The following ATP6V0A1 variants were observed in gnomAD, a reference collection of about 807,000 sequenced individuals.
ATP6V0A1 encodes ATPase H+ transporting V0 subunit a1, also known as V-type proton ATPase 116 kDa subunit a 1.
In ATP6V0A1, 43 loss-of-function variants were observed where a neutral mutation model predicts 105.4. The ratio of observed to expected loss-of-function variants is 0.41; its 90% CI spans 0.32 to 0.53. ATP6V0A1 has a LOEUF of 0.53. Among genes scored for constraint, ATP6V0A1 ranks in the 20% least tolerant of loss-of-function variants. The pLI, the probability that ATP6V0A1 is intolerant of heterozygous loss-of-function variation, is 0.30. For synonymous variants in ATP6V0A1, 362 were observed against 372.8 expected (o/e 0.97, Z 0.33); for missense variants, 676 against 1,051.1 (o/e 0.64, Z 4.93).
intron 5 of ATP6V0A1, among the ~76,000 whole-genome samples, chr17:42,472,616 C>T (rs1388149533): frequency 6.6e-6 from 1 of 151,838 alleles, no homozygotes; most frequent in African/African-American, 2.4e-5. Context: ...CCCAGCTATT[C>T]ATGAGGCTGA....
At chr17:42,466,128 T>A (rs182079471) in intron 2 of ATP6V0A1, among the ~76,000 whole-genome samples, 2 of 152,138 alleles carry the variant, frequency 1.3e-5, no homozygotes, top group East Asian at 1.9e-4. Flanking sequence ...TTGCCCAAAT[T>A]TTAGGTGGTG....
intron 6 of ATP6V0A1, among the ~76,000 whole-genome samples, 155 bp downstream of exon 6, chr17:42,477,897 G>T (rs1274902138): frequency 6.6e-6 from 1 of 152,146 alleles, no homozygotes; most frequent in Non-Finnish European, 1.5e-5. Flanking sequence ...TGCCTGAGTT[G>T]CTCTGTCAGC....
chr17:42,513,768 C>A, intron 19 of ATP6V0A1, 93 bp from the exon 20 acceptor site: 2 of 1,224,796 alleles, frequency 1.6e-6, no homozygotes, highest in Non-Finnish European at 2.4e-6. Context: ...CCTGCCCTGG[C>A]CCAGGTTCAA....
chr17:42,492,305 G>A (rs1222086569), intron 11 of ATP6V0A1, among the ~76,000 whole-genome samples: 2 of 152,094 alleles, frequency 1.3e-5, no homozygotes, highest in Non-Finnish European at 2.9e-5. Context: ...GGAGGCAAAG[G>A]TTGCAGTGAA....
At chr17:42,498,183 C>T (rs1171042487) in intron 14 of ATP6V0A1, among the ~76,000 whole-genome samples, 3 of 151,890 alleles carry the variant, frequency 2.0e-5, no homozygotes, top group Admixed American at 2.0e-4. Context: ...TTGCAGTCAG[C>T]GAGATCATGA....
Position 42,479,869 on chromosome 17 carries a change from A to G in ATP6V0A1, c.634-798A>G, listed in dbSNP as rs868028536. ...TGGCAACAGAAAGGTTATTTTATCAACAAATCCAGAAATGGGGACCCTGGA... is the reference window on the plus strand; with the variant it reads ...TGGCAACAGAAAGGTTATTTTATCAGCAAATCCAGAAATGGGGACCCTGGA... On this transcript the variant is annotated intron_variant, in intron 7 of 21. Transcript: ENST00000343619. Among the ~76,000 whole-genome samples, 25 of 152,362 alleles carry G rather than the reference A, an allele frequency of 1.6e-4. 1 individual carries two copies. The South Asian group carries it at 3.5e-3, about 21-fold the overall frequency.
At position 42,501,218 on chromosome 17, in the gene ATP6V0A1, G is replaced by T; in HGVS notation, c.1918G>T (p.Val640Leu). The T allele has an allele frequency of 6.2e-7, 1 of 1,613,762 alleles. No homozygotes were observed. Among genetic ancestry groups the T allele is most frequent in the African/African-American group, 1.3e-5 (1 of 75,038 alleles). The part of the protein sequence containing the change: ...SGQKGIQCFL[V>L]VVALLCVPWM... ...GCAGAAAGGAATTCAGTGTTTCCTG[G>T]TAGTGGTTGCACTACTGTGTGTACC... The change falls in exon 17 of 22, where the codon GTA becomes TTA. Residue 640 changes from valine (V) to leucine (L), a missense_variant. This residue lies in a region of ATP6V0A1 where 435 missense variants were observed against 642.2 expected (regional missense o/e 0.68). Coordinates refer to ENST00000343619, the MANE Select transcript of ATP6V0A1 (RefSeq NM_001130021.3).
At chr17:42,468,308 G>C (rs1047794532) in intron 4 of ATP6V0A1, among the ~76,000 whole-genome samples, 26 of 152,246 alleles carry the variant, frequency 1.7e-4, no homozygotes, top group African/African-American at 6.0e-4. Context: ...TATATACATA[G>C]AATGTGTATA....
At position 42,477,665 on chromosome 17, in the gene ATP6V0A1, G is replaced by A. The variant is rs755253230; in HGVS notation, c.429G>A (p.Ala143=). The A allele has an allele frequency of 1.1e-5, 17 of 1,613,458 alleles. No homozygotes were observed. Among genetic ancestry groups the A allele is most frequent in the South Asian group, 2.2e-5 (2 of 91,000 alleles). The change falls in exon 6 of 22, where the codon GCG becomes GCA. Residue 143 remains alanine (A), a synonymous_variant. Transcript: ENST00000343619. The stretch of plus-strand genomic sequence containing the variant: ...CTGAATTGCATCATCAGCAGATGGC[G>A]GATCCAGACTTGTTGGAAGAGTCCT... ...RKTQQFFDEM[A]DPDLLEESSS...
In ATP6V0A1 at chr17:42,521,449, G is replaced by A. The variant is rs141365344; in HGVS notation, c.*329G>A. On this transcript the variant is annotated 3_prime_UTR_variant, in exon 22 of 22. Coordinates refer to ENST00000343619, the MANE Select transcript of ATP6V0A1 (RefSeq NM_001130021.3). The surrounding 1 kb of genome is among the most constrained non-coding windows in gnomAD (Gnocchi z 4.8). ...ATCCCAAAGCCCTTTCATCTTCCCC[G>A]TGCATTGTAGATGGAAGGAGCACCC... 184 of 192,410 alleles carry A rather than the reference G, an allele frequency of 9.6e-4. No individual in the cohort carries two copies. Among genetic ancestry groups the A allele is most frequent in the African/African-American group, 4.0e-3 (170 of 42,968 alleles). 11.9% of individuals were successfully genotyped at this position (192,410 alleles called of 1,614,324 possible).
chr17:42,492,226 G>A (rs1159117086), intron 11 of ATP6V0A1, among the ~76,000 whole-genome samples: 3 of 150,942 alleles, frequency 2.0e-5, no homozygotes, highest in Non-Finnish European at 4.4e-5. Context: ...AAAATTAGCC[G>A]GATTTGGTGG....
At chr17:42,479,603 G>A (rs969183679) in intron 7 of ATP6V0A1, among the ~76,000 whole-genome samples, 5 of 152,134 alleles carry the variant, frequency 3.3e-5, no homozygotes, top group Admixed American at 6.5e-5. Context: ...TCTTAAATTC[G>A]TGTTCTTTAC....
At chr17:42,482,707 G>A (rs55686728) in intron 8 of ATP6V0A1, among the ~76,000 whole-genome samples, 2 of 151,770 alleles carry the variant, frequency 1.3e-5, no homozygotes, top group African/African-American at 4.8e-5. Flanking sequence ...GATCAGCCTG[G>A]CCAACATGGT....
intron 9 of ATP6V0A1, 42 bp from the exon 10 acceptor site, chr17:42,487,113 G>C (rs1192921856): frequency 6.3e-7 from 1 of 1,585,662 alleles, no homozygotes; most frequent in Admixed American, 1.7e-5. Flanking sequence ...ATCTAAAACT[G>C]GTGTTAAAAG....
At chr17:42,508,701 G>A in intron 19 of ATP6V0A1, 112 bp downstream of exon 19, 3 of 1,442,086 alleles carry the variant, frequency 2.1e-6, no homozygotes, top group Non-Finnish European at 2.9e-6. Context: ...TGACTCCTGT[G>A]CCTCTGCATC....
chr17:42,475,423 A>C (rs1433594084), intron 5 of ATP6V0A1, among the ~76,000 whole-genome samples: 1 of 152,242 alleles, frequency 6.6e-6, no homozygotes, highest in Non-Finnish European at 1.5e-5. Context: ...TACCCTTAAG[A>C]CAAGCTTGTC....
Position 42,494,457 on chromosome 17 carries a change from A to G in ATP6V0A1, c.1298A>G (p.Gln433Arg). ...MVLRESRILS[Q>R]KNENEMFSTV... ...CTGAGGGAGAGCCGGATCCTTTCCC[A>G]GAAGAATGAGAATGAGGTAATGTTT... is the stretch of plus-strand genomic sequence containing the variant. Residue 433 changes from glutamine (Q) to arginine (R), a missense_variant, in exon 12 of 22, where the codon CAG becomes CGG. Transcript: ENST00000343619. 1.2e-6 allele frequency: 2 copies of G among 1,612,764 alleles called. No homozygotes were observed. The highest frequency in any genetic ancestry group is 1.7e-6 in the Non-Finnish European group (2 of 1,179,554).
At chr17:42,460,715 G>A (rs2086300210) in intron 1 of ATP6V0A1, 133 bp from the exon 2 acceptor site, 2 of 539,662 alleles carry the variant, frequency 3.7e-6, no homozygotes, top group South Asian at 2.4e-5. Flanking sequence ...TTTCTAGACA[G>A]GGTGTCAAAA....
In ATP6V0A1 at chr17:42,495,698, C is replaced by G; in HGVS notation, c.1542C>G (p.Tyr514Ter). ...TCCCTGGAGTGTTTGGTGGACCATACCCTTTTGGCATTGATCCAGTAAGAG... is the reference window on the plus strand; with the variant it reads ...TCCCTGGAGTGTTTGGTGGACCATAGCCTTTTGGCATTGATCCAGTAAGAG... ...PALPGVFGGP[Y>*]PFGIDPIWNI... Residue 514 changes from tyrosine (Y) to a stop codon, truncating the protein, a stop_gained, in exon 14 of 22, where the codon TAC (tyrosine) becomes TAG (stop). Transcript: ENST00000343619. LOFTEE classifies it high-confidence loss of function. 6.2e-7 allele frequency: 1 copy of G among 1,613,706 alleles called. No individual in the cohort carries two copies. The highest frequency in any genetic ancestry group is 8.5e-7 in the Non-Finnish European group (1 of 1,179,652).
Sources: allele counts gnomAD v4.1 joint callset (sites outside exome capture counted in the v4.1 genomes callset), GRCh38; gene constraint gnomAD v4.1.1; regional missense constraint gnomAD v4.1.1; non-coding constraint Gnocchi (gnomAD v3.1); transcripts MANE v1.5; gene names NCBI Gene and HGNC (gene_info 2026-07-23, HGNC 2026-07-21).